Variants in LRRC74A observed in about 807,000 individuals in gnomAD.
The protein encoded by LRRC74A is leucine rich repeat containing 74A.
A neutral mutation model predicts 57.9 loss-of-function variants in LRRC74A; 44 were observed. The observed-to-expected ratio is 0.76, with a 90% CI of 0.60 to 0.98. The LOEUF (loss-of-function observed/expected upper bound fraction) is 0.98. Among genes scored for constraint, LRRC74A ranks in the 50% least tolerant of loss-of-function variants. The pLI, the probability that LRRC74A is intolerant of heterozygous loss-of-function variation, is 0.00. For missense variants in LRRC74A, 572 were observed against 574.0 expected (o/e 1.00, Z 0.04); for synonymous variants, 211 against 219.4 (o/e 0.96, Z 0.34).
rs770846517 is a variant in LRRC74A, at chr14:76,852,412, C to T, written c.724C>T (p.His242Tyr). The T allele has an allele frequency of 6.1e-5, 98 of 1,612,122 alleles. 1 individual carries two copies. In the South Asian group the frequency reaches 1.1e-3, roughly 17 times the overall value. ...TSLDLSWNNF[H>Y]TRGAVALCNG... is the part of the protein sequence containing the mutation. ...ACTGGATCTGAGCTGGAATAACTTC[C>T]ACACAAGGGGAGCTGTGGCCTTGTG... The change falls in exon 8 of 14, where the codon CAC becomes TAC. Residue 242 changes from histidine to tyrosine, a missense_variant. His to Tyr is a moderately conservative substitution (Grantham distance 83). Transcript: ENST00000689127.
intron 9 of LRRC74A, among the ~76,000 whole-genome samples, 159 bp from the exon 10 acceptor site, chr14:76,857,221 G>A (rs1377847059): frequency 6.6e-6 from 1 of 152,110 alleles, no homozygotes; most frequent in Admixed American, 6.6e-5. Flanking sequence ...GAGATAGGCA[G>A]ACAGATGGAT....
At chr14:76,841,856 G>A (rs1212428128) in intron 5 of LRRC74A, among the ~76,000 whole-genome samples, 4 of 151,954 alleles carry the variant, frequency 2.6e-5, no homozygotes, top group Non-Finnish European at 5.9e-5. Context: ...GAGATTACAG[G>A]CATGTGCCAC....
chr14:76,831,325 C>G lies in LRRC74A; in HGVS notation c.289C>G (p.His97Asp). ...NMEESYVNLN[H>D]HGLGPRGTKA... ...GGAGGAGTCCTACGTGAACCTCAAC[C>G]ACCACGGCCTGGGCCCCAGGGGTAC... The change falls in exon 3 of 14, where the codon CAC becomes GAC. Residue 97 changes from histidine to aspartate, a missense_variant. His to Asp is a moderately conservative substitution (Grantham distance 81). Coordinates refer to ENST00000689127, the MANE Select transcript of LRRC74A (RefSeq NM_001385106.1). The G allele has an allele frequency of 6.2e-7, 1 of 1,613,962 alleles. No homozygotes were observed. Among genetic ancestry groups the G allele is most frequent in the Non-Finnish European group, 8.5e-7 (1 of 1,179,890 alleles).
intron 9 of LRRC74A, among the ~76,000 whole-genome samples, chr14:76,856,876 T>C (rs1012250254): frequency 4.0e-5 from 6 of 149,544 alleles, no homozygotes; most frequent in Admixed American, 4.0e-4. Context: ...AATAGATAGA[T>C]GGTTGGGTGG....
In LRRC74A at chr14:76,826,671, A is replaced by G; in HGVS notation, c.-27A>G. The stretch of plus-strand genomic sequence containing the variant: ...AGTCGAGAGGTGGCAAGAAGTTGGC[A>G]GCTGCCCTCAAGAGGGTCCTGGCAC... On this transcript the variant is annotated 5_prime_UTR_variant, in exon 1 of 14. Coordinates refer to ENST00000689127, the MANE Select transcript of LRRC74A (RefSeq NM_001385106.1). The G allele has an allele frequency of 6.3e-7, 1 of 1,585,554 alleles. No homozygotes were observed. The highest frequency in any genetic ancestry group is 8.6e-7 in the Non-Finnish European group (1 of 1,166,910).
chr14:76,843,365 A>T (rs1397657726), intron 5 of LRRC74A, among the ~76,000 whole-genome samples: 1 of 151,058 alleles, frequency 6.6e-6, no homozygotes, highest in African/African-American at 2.4e-5. Flanking sequence ...TTGGTTTTTT[A>T]AAATGTTGTA....
chr14:76,852,264 A>C, intron 7 of LRRC74A, 101 bp from the exon 8 acceptor site: 9 of 787,740 alleles, frequency 1.1e-5, no homozygotes, highest in Non-Finnish European at 1.6e-5. Flanking sequence ...TTGCATGACC[A>C]CTGAGTGGTC....
At chr14:76,852,990 G>C (rs2140296000) in intron 8 of LRRC74A, among the ~76,000 whole-genome samples, 1 of 152,278 alleles carries the variant, frequency 6.6e-6, no homozygotes, top group East Asian at 1.9e-4. Context: ...CAAGAGGACA[G>C]TTTAATTAGT....
intron 4 of LRRC74A, 111 bp from the exon 5 acceptor site, chr14:76,837,764 C>G (rs1172241918): frequency 5.7e-5 from 35 of 610,740 alleles, no homozygotes; most frequent in Non-Finnish European, 3.8e-5. Context: ...TTTCCCACCC[C>G]AACCCTACTC....
rs147094318 is a variant in LRRC74A at position 76,863,859 on chromosome 14, C to A, written c.1201-2109C>A. On this transcript the variant is annotated intron_variant, in intron 11 of 13. Transcript: ENST00000689127. Reference sequence around the variant, plus strand: ...CAAGAGTTGCTGCTTCTGCTATAATCAAGAAGCTGCATGATTGCGGAATGC... The same window carrying A: ...CAAGAGTTGCTGCTTCTGCTATAATAAAGAAGCTGCATGATTGCGGAATGC... 2.0e-5 allele frequency among the ~76,000 whole-genome samples: 3 copies of A among 152,378 alleles called. No individual in the cohort carries two copies. The East Asian group carries it at 5.8e-4, about 29-fold the overall frequency.
intron 9 of LRRC74A, among the ~76,000 whole-genome samples, chr14:76,855,402 T>C (rs1897808494): frequency 6.6e-6 from 1 of 152,226 alleles, no homozygotes; most frequent in African/African-American, 2.4e-5. Flanking sequence ...TCTTTGCTGT[T>C]TTGTGGGTAT....
chr14:76,848,228 A>C lies in LRRC74A; in HGVS notation c.676+3327A>C, dbSNP rs538470977. ...ACACCAACATGGTACATGTATACAT[A>C]TGTAACAAACCTGCACGTTGTGCAC... On this transcript the variant is annotated intron_variant, in intron 7 of 13. Coordinates refer to ENST00000689127, the MANE Select transcript of LRRC74A (RefSeq NM_001385106.1). Among the ~76,000 whole-genome samples the C allele has an allele frequency of 1.3e-4, 20 of 152,242 alleles. No individual in the cohort carries two copies. The East Asian group carries it at 3.7e-3, about 28-fold the overall frequency.
chr14:76,836,387 GC>G (rs1896339432), intron 4 of LRRC74A, 73 bp downstream of exon 4: 2 of 1,154,496 alleles, frequency 1.7e-6, no homozygotes, highest in Admixed American at 2.2e-5. Flanking sequence ...CAAGCCAGAG[GC>G]CCTGCCAGGA....
chr14:76,842,740 G>A (rs1159146901), intron 5 of LRRC74A, among the ~76,000 whole-genome samples: 1 of 91,250 alleles, frequency 1.1e-5, no homozygotes, highest in Non-Finnish European at 2.3e-5. Flanking sequence ...AGGTGGTAGA[G>A]ATTATTGAGG....
At chr14:76,839,816 C>T (rs542826273) in intron 5 of LRRC74A, among the ~76,000 whole-genome samples, 3 of 152,166 alleles carry the variant, frequency 2.0e-5, no homozygotes, top group South Asian at 2.1e-4. Flanking sequence ...CTGCAACCCC[C>T]GCCTCCCAGG....
At chr14:76,864,009 G>T (rs1447809069) in intron 11 of LRRC74A, among the ~76,000 whole-genome samples, 4 of 152,258 alleles carry the variant, frequency 2.6e-5, no homozygotes, top group African/African-American at 9.6e-5. Context: ...ACCCCCAGCT[G>T]CAAGGGGACT....
chr14:76,865,327 A>G (rs1001465227), intron 11 of LRRC74A, among the ~76,000 whole-genome samples: 22 of 152,170 alleles, frequency 1.4e-4, no homozygotes, highest in African/African-American at 5.3e-4. Context: ...GCCTTTTCAT[A>G]TTGGTGGATT....
At chr14:76,830,214 C>T (rs1895875493) in intron 2 of LRRC74A, among the ~76,000 whole-genome samples, 1 of 152,208 alleles carries the variant, frequency 6.6e-6, no homozygotes, top group Non-Finnish European at 1.5e-5. Context: ...ACCAACAAAG[C>T]TCCCATTGTC....
chr14:76,838,036 G>A, intron 5 of LRRC74A, 65 bp downstream of exon 5: 1 of 1,094,228 alleles, frequency 9.1e-7, no homozygotes, highest in Non-Finnish European at 1.3e-6. Flanking sequence ...GGGAAAAACA[G>A]AGAATTCAAT....
Sources: gnomAD v4.1 joint callset for allele counts (sites outside exome capture counted in the v4.1 genomes callset) on GRCh38, gnomAD v4.1.1 for gene constraint, MANE v1.5 for transcripts, NCBI Gene and HGNC (gene_info 2026-07-23, HGNC 2026-07-21) for gene names.